Variants in L3MBTL3 observed in about 807,000 individuals in gnomAD.
The protein encoded by L3MBTL3 is L3MBTL histone methyl-lysine binding protein 3.
L3MBTL3 carries 27 observed loss-of-function variants against 102.3 expected under a neutral mutation model. That is an observed-to-expected ratio of 0.26 (90% CI 0.19 to 0.36). The LOEUF (loss-of-function observed/expected upper bound fraction) is 0.36, where lower values mean the gene tolerates loss of function less well. L3MBTL3 is among the 10% of genes least tolerant of loss of function. The pLI is 1.00. For missense variants in L3MBTL3, 798 were observed against 955.3 expected, an observed-to-expected ratio of 0.84 and a Z score of 2.17; for synonymous variants, 340 against 320.9, an observed-to-expected ratio of 1.06 and a Z score of -0.64.
At chr6:130,125,757 G>A (rs1786557256) in intron 20 of L3MBTL3, among the ~76,000 whole-genome samples, 1 of 152,164 alleles carries the variant, frequency 6.6e-6, no homozygotes, top group Non-Finnish European at 1.5e-5. Flanking sequence ...GGGAGAGAAT[G>A]CCCCTTGCAG....
chr6:130,131,245 GAA>G (rs1362067270), intron 20 of L3MBTL3, among the ~76,000 whole-genome samples: 2 of 152,140 alleles, frequency 1.3e-5, no homozygotes, highest in African/African-American at 4.8e-5. Flanking sequence ...TAAACATAGG[GAA>G]AGATTATCAT....
chr6:130,129,904 A>C (rs150468828), intron 20 of L3MBTL3, among the ~76,000 whole-genome samples: 66 of 152,302 alleles, frequency 4.3e-4, no homozygotes, highest in African/African-American at 1.6e-3. Context: ...AAAAACCTGG[A>C]GTCACTTTTC....
rs1413719776 is a variant in L3MBTL3 at position 130,106,724 on chromosome 6, A to G, written c.1886+2149A>G. ...ATCTCCTCCCCTTCCAAAGCTCCCC[A>G]TCTTCCATCCTGACTCACATTTTTT... is the stretch of plus-strand genomic sequence containing the variant. On this transcript the variant is annotated intron_variant, in intron 19 of 22. Coordinates refer to ENST00000361794, the MANE Select transcript of L3MBTL3 (RefSeq NM_032438.4). Among the ~76,000 whole-genome samples the G allele has an allele frequency of 2.0e-5, 3 of 152,108 alleles. No individual in the cohort carries two copies. In the East Asian group the frequency reaches 5.8e-4, roughly 29 times the overall value.
At chr6:130,139,478 T>G in intron 22 of L3MBTL3, 132 bp from the exon 23 acceptor site, 2 of 766,356 alleles carry the variant, frequency 2.6e-6, no homozygotes, top group Non-Finnish European at 2.2e-6. Flanking sequence ...AGAAATGTCA[T>G]TGCACACGTG....
chr6:130,036,716 A>G (rs1386258350), intron 2 of L3MBTL3, among the ~76,000 whole-genome samples: 1 of 152,236 alleles, frequency 6.6e-6, no homozygotes, highest in Non-Finnish European at 1.5e-5. Context: ...ACATTTTGTT[A>G]GTAAGCATGT....
chr6:130,098,887 CTG>C (rs1784516340), intron 18 of L3MBTL3, among the ~76,000 whole-genome samples: 1 of 109,814 alleles, frequency 9.1e-6, no homozygotes, highest in African/African-American at 3.5e-5. Context: ...TTTTTTTTAA[CTG>C]TTTTTTGTCA....
chr6:130,109,623 T>C lies in L3MBTL3; in HGVS notation c.1886+5048T>C, dbSNP rs142436385. Among the ~76,000 whole-genome samples the C allele has an allele frequency of 1.1e-3, 162 of 152,326 alleles. 1 individual carries two copies. The East Asian group carries it at 0.024, about 23-fold the overall frequency. On this transcript the variant is annotated intron_variant, in intron 19 of 22. Coordinates refer to ENST00000361794, the MANE Select transcript of L3MBTL3 (RefSeq NM_032438.4). ...GGATCTTAGACCTTTGTCAGATGGG[T>C]AGCTTGCAAAAATTTTCTCCCATGC...
At chr6:130,084,876 C>T (rs1783582872) in intron 15 of L3MBTL3, among the ~76,000 whole-genome samples, 1 of 152,162 alleles carries the variant, frequency 6.6e-6, no homozygotes, top group African/African-American at 2.4e-5. Context: ...GTTGCCCAGG[C>T]TGGAGTGCAG....
At chr6:130,024,321 G>T (rs1779195179) in intron 2 of L3MBTL3, among the ~76,000 whole-genome samples, 1 of 152,086 alleles carries the variant, frequency 6.6e-6, no homozygotes, top group Non-Finnish European at 1.5e-5. Context: ...TAAAAAAATT[G>T]TAAGTACTAT....
At chr6:130,028,059 C>T (rs1779466616) in intron 2 of L3MBTL3, among the ~76,000 whole-genome samples, 1 of 149,632 alleles carries the variant, frequency 6.7e-6, no homozygotes, top group South Asian at 2.1e-4. Flanking sequence ...TTTGTGATTT[C>T]ACTTTCTGTG....
chr6:130,086,337 T>TATCTA, intron 16 of L3MBTL3, 87 bp downstream of exon 16: 1 of 819,756 alleles, frequency 1.2e-6, no homozygotes, highest in Non-Finnish European at 2.0e-6. Flanking sequence ...ACTTGTGAAG[T>TATCTA]CCTGTAATTA....
intron 9 of L3MBTL3, among the ~76,000 whole-genome samples, chr6:130,058,606 C>G (rs1392604686): frequency 6.6e-6 from 1 of 152,108 alleles, no homozygotes; most frequent in Non-Finnish European, 1.5e-5. Flanking sequence ...AAAACACATA[C>G]AAAAACAAGG....
At chr6:130,070,752 C>T in intron 12 of L3MBTL3, 1 of 306,396 alleles carries the variant, frequency 3.3e-6, no homozygotes, top group East Asian at 4.3e-5. Flanking sequence ...GTTTTGAGGC[C>T]CAGATAGCTA....
intron 19 of L3MBTL3, among the ~76,000 whole-genome samples, chr6:130,111,243 A>G (rs1197435983): frequency 1.3e-5 from 2 of 152,222 alleles, no homozygotes; most frequent in Non-Finnish European, 2.9e-5. Context: ...CAGCAGGAAC[A>G]CAGACCTGCT....
chr6:130,043,101 C>T (rs1466239709), intron 3 of L3MBTL3, among the ~76,000 whole-genome samples: 1 of 152,052 alleles, frequency 6.6e-6, no homozygotes. Context: ...ACCGTGACAG[C>T]CTATAAATGC....
intron 2 of L3MBTL3, among the ~76,000 whole-genome samples, chr6:130,026,205 C>T (rs886132891): frequency 2.6e-5 from 4 of 152,062 alleles, no homozygotes; most frequent in African/African-American, 9.7e-5. Flanking sequence ...TTTATTTATT[C>T]ATCCAAAAAA....
At chr6:130,139,495 T>G (rs1788083286) in intron 22 of L3MBTL3, 115 bp from the exon 23 acceptor site, 1 of 932,098 alleles carries the variant, frequency 1.1e-6, no homozygotes, top group African/African-American at 1.6e-5. Context: ...CGTGAACTTC[T>G]CTGTGCTTTT....
rs1161359615 is a variant in L3MBTL3, at chr6:130,071,131, A to G, written c.1244+4A>G. 6.2e-7 allele frequency: 1 copy of G among 1,604,694 alleles called. No homozygotes were observed. The highest frequency in any genetic ancestry group is 8.5e-7 in the Non-Finnish European group (1 of 1,175,552). The stretch of plus-strand genomic sequence containing the variant: ...GGGATGAGAGCTATGACTATTGGTG[A>G]GACATTTTCTGTTGTGTGCTTTTAA... On this transcript the variant is annotated splice_donor_region_variant and intron_variant, in intron 13 of 22. Transcript: ENST00000361794.
chr6:130,139,652 A>G lies in L3MBTL3; in HGVS notation c.2242A>G (p.Ile748Val). The G allele has an allele frequency of 6.2e-7, 1 of 1,613,152 alleles. No homozygotes were observed. The change falls in exon 23 of 23, where the codon ATT (isoleucine) becomes GTT (valine). Residue 748 changes from isoleucine (I) to valine (V), a missense_variant. Physicochemically the swap from Ile to Val is conservative, Grantham distance 29. Transcript: ENST00000361794. Reference sequence around the variant, plus strand: ...ATTTCTACTTATGACTCAAACAGACATTGTTAAAATTATGAGCATTAAACT... The same window carrying G: ...ATTTCTACTTATGACTCAAACAGACGTTGTTAAAATTATGAGCATTAAACT... ...EAFLLMTQTD[I>V]VKIMSIKLGP...
Sources: allele counts gnomAD v4.1 joint callset (sites outside exome capture counted in the v4.1 genomes callset), GRCh38; gene constraint gnomAD v4.1.1; transcripts MANE v1.5; gene names NCBI Gene and HGNC (gene_info 2026-07-23, HGNC 2026-07-21).